The following RNF180 variants were observed in gnomAD, a reference collection of about 807,000 sequenced individuals.
The protein encoded by RNF180 is ring finger protein 180, also known as E3 ubiquitin-protein ligase RNF180.
In RNF180, 38 loss-of-function variants were observed where a neutral mutation model predicts 59.2. The ratio of observed to expected loss-of-function variants is 0.64; its 90% CI spans 0.50 to 0.84. The LOEUF is 0.84. RNF180 is among the 40% of genes least tolerant of loss of function. The probability of loss-of-function intolerance (pLI) is 0.00; values close to 1 mark genes in which losing one functional copy is unlikely to be tolerated. For synonymous variants in RNF180, 262 were observed against 240.3 expected (o/e 1.09, Z -0.84); for missense variants, 705 against 700.9 (o/e 1.01, Z -0.07).
rs1746637527 is a variant in RNF180, at chr5:64,370,877, A to AC, written c.*1063_*1064insC. 6.6e-6 allele frequency: 1 copy of AC among 151,656 alleles called. No homozygotes were observed. Among genetic ancestry groups the AC allele is most frequent in the Non-Finnish European group, 1.5e-5 (1 of 67,732 alleles). 9.4% of individuals were successfully genotyped at this position (151,656 alleles called of 1,614,324 possible). A position where few individuals can be genotyped will look rare whatever the true frequency, so the allele number is the denominator to read the frequency against. The stretch of plus-strand genomic sequence containing the variant: ...TGAAACCTGGGACAAAGTTTTTATT[A>AC]TGAATTACTAATCCAGTATTACTAC... On this transcript the variant is annotated 3_prime_UTR_variant, in exon 8 of 8. Transcript: ENST00000389100.
intron 5 of RNF180, among the ~76,000 whole-genome samples, chr5:64,249,389 G>A (rs1014252899): frequency 6.6e-6 from 1 of 152,174 alleles, no homozygotes; most frequent in Non-Finnish European, 1.5e-5. Flanking sequence ...AACCTTACAG[G>A]CCAGGATAGA....
rs113202870 is a variant in RNF180 at position 64,257,517 on chromosome 5, G to A, written c.1227+40121G>A. Among the ~76,000 whole-genome samples, 773 of 152,200 alleles carry A rather than the reference G, an allele frequency of 5.1e-3. 10 individuals carry two copies. The highest frequency in any genetic ancestry group is 0.017 in the African/African-American group (706 of 41,534). On this transcript the variant is annotated intron_variant, in intron 5 of 7. Coordinates refer to ENST00000389100, the MANE Select transcript of RNF180 (RefSeq NM_001113561.2). ...TGCTGGATTACATTTATTGATTTGC[G>A]TATGTTGAACCAGCCTTGCATCCCA...
chr5:64,365,999 A>AT (rs200608724), intron 7 of RNF180, among the ~76,000 whole-genome samples: 4,050 of 151,296 alleles, frequency 0.027, 161 homozygotes, highest in African/African-American at 0.093. Context: ...ATATATGTGG[A>AT]TTTGATCCTG....
intron 1 of RNF180, among the ~76,000 whole-genome samples, chr5:64,185,165 A>G (rs988894836): frequency 2.6e-5 from 4 of 152,298 alleles, no homozygotes; most frequent in Admixed American, 2.6e-4. Context: ...CTTTCAGCAT[A>G]TATCTAGAAT....
intron 5 of RNF180, among the ~76,000 whole-genome samples, chr5:64,296,644 C>T (rs1455811598): frequency 1.4e-5 from 2 of 145,558 alleles, no homozygotes; most frequent in African/African-American, 2.6e-5. Context: ...GGATTTGCTC[C>T]ATTTCCTAGG....
chr5:64,205,398 G>A (rs938919625), intron 2 of RNF180, among the ~76,000 whole-genome samples: 1 of 152,166 alleles, frequency 6.6e-6, no homozygotes, highest in Non-Finnish European at 1.5e-5. Flanking sequence ...ACCTGAGATA[G>A]ATGAAATGTG....
In RNF180 at chr5:64,327,987, C is replaced by A. The variant is rs983531933; in HGVS notation, c.1454-2294C>A. Among the ~76,000 whole-genome samples, 8 of 152,062 alleles carry A rather than the reference C, an allele frequency of 5.3e-5. No homozygotes were observed. In the South Asian group the frequency reaches 1.2e-3, roughly 24 times the overall value. On this transcript the variant is annotated intron_variant, in intron 6 of 7. Transcript: ENST00000389100. ...TTATAATATTTATAATTATTATATT[C>A]TCTTGCTGAACTGATTCCTTTATTG...
At chr5:64,212,461 A>G (rs1304728038) in intron 3 of RNF180, among the ~76,000 whole-genome samples, 1 of 152,090 alleles carries the variant, frequency 6.6e-6, no homozygotes, top group African/African-American at 2.4e-5. Context: ...CTAAATACAC[A>G]TATAGCTTAT....
intron 5 of RNF180, among the ~76,000 whole-genome samples, chr5:64,298,058 A>C (rs1742976642): frequency 6.6e-6 from 1 of 151,714 alleles, no homozygotes; most frequent in Non-Finnish European, 1.5e-5. Flanking sequence ...CCTCCCACCC[A>C]CCATGTATCC....
Position 64,330,415 on chromosome 5 carries a change from A to G in RNF180, c.1579+9A>G. 1 of 1,528,880 alleles carries G rather than the reference A, an allele frequency of 6.5e-7. No individual in the cohort carries two copies. The highest frequency in any genetic ancestry group is 8.8e-7 in the Non-Finnish European group (1 of 1,141,698). The allele number at this position is 1,528,880 out of a possible 1,614,324, so 94.7% of individuals were successfully genotyped here. A position where few individuals can be genotyped will look rare whatever the true frequency, so the allele number is the denominator to read the frequency against. On this transcript the variant is annotated intron_variant, in intron 7 of 7. Transcript: ENST00000389100. The stretch of plus-strand genomic sequence containing the variant: ...ATTTCATCTTTTTGGAGGTAAGGAA[A>G]TCTAACGCCAAAAAAAAAGTCTGGT...
intron 4 of RNF180, among the ~76,000 whole-genome samples, chr5:64,216,048 A>C (rs1298649452): frequency 2.0e-5 from 3 of 151,932 alleles, no homozygotes; most frequent in African/African-American, 7.3e-5. Context: ...GATATAGCTT[A>C]ATTGATCAGA....
At chr5:64,173,852 AT>A (rs1750081910) in intron 1 of RNF180, among the ~76,000 whole-genome samples, 1 of 151,406 alleles carries the variant, frequency 6.6e-6, no homozygotes, top group South Asian at 2.1e-4. Context: ...AGTAGCTGGG[AT>A]TATAGGCATG....
intron 5 of RNF180, among the ~76,000 whole-genome samples, chr5:64,259,134 C>T (rs1290231401): frequency 6.6e-6 from 1 of 152,064 alleles, no homozygotes; most frequent in African/African-American, 2.4e-5. Flanking sequence ...CTAACCACCT[C>T]CTTTCTCTTG....
At position 64,370,667 on chromosome 5, in the gene RNF180, C is replaced by T. The variant is rs995021789; in HGVS notation, c.*853C>T. ...AAAGTATTGTTATAAATAGGCTTATCGATTTTAGAAAGAAAACCTGACATT... is the reference window on the plus strand; with the variant it reads ...AAAGTATTGTTATAAATAGGCTTATTGATTTTAGAAAGAAAACCTGACATT... On this transcript the variant is annotated 3_prime_UTR_variant, in exon 8 of 8. Coordinates refer to ENST00000389100, the MANE Select transcript of RNF180 (RefSeq NM_001113561.2). The T allele has an allele frequency of 6.6e-6, 1 of 150,822 alleles. No homozygotes were observed. Among genetic ancestry groups the T allele is most frequent in the Non-Finnish European group, 1.5e-5 (1 of 67,578 alleles). The allele number at this position is 150,822 out of a possible 1,614,324, so 9.3% of individuals were successfully genotyped here.
At chr5:64,182,101 C>T (rs945209061) in intron 1 of RNF180, among the ~76,000 whole-genome samples, 5 of 150,732 alleles carry the variant, frequency 3.3e-5, no homozygotes, top group African/African-American at 1.2e-4. Context: ...CACCATTCTC[C>T]TGCCTCAGCC....
intron 4 of RNF180, among the ~76,000 whole-genome samples, chr5:64,216,896 C>G (rs911162254): frequency 2.6e-5 from 4 of 152,060 alleles, no homozygotes; most frequent in African/African-American, 7.2e-5. Context: ...TTATGACTTA[C>G]ACACATGTAA....
In RNF180 at chr5:64,370,005, C is replaced by G. The variant is rs1055036595; in HGVS notation, c.*191C>G. 5 of 429,498 alleles carry G rather than the reference C, an allele frequency of 1.2e-5. No homozygotes were observed. The highest frequency in any genetic ancestry group is 2.0e-5 in the Non-Finnish European group (5 of 244,002). 26.6% of individuals were successfully genotyped at this position (429,498 alleles called of 1,614,324 possible). On this transcript the variant is annotated 3_prime_UTR_variant, in exon 8 of 8. Coordinates refer to ENST00000389100, the MANE Select transcript of RNF180 (RefSeq NM_001113561.2). ...TAACAAACTAAACTTTATTCAAGAG[C>G]TAACCTACCCAGCACTTAGCAACAA...
chr5:64,257,079 T>C (rs987147941), intron 5 of RNF180, among the ~76,000 whole-genome samples: 1 of 152,210 alleles, frequency 6.6e-6, no homozygotes, highest in Non-Finnish European at 1.5e-5. Flanking sequence ...CTGAAGTTGC[T>C]TATCAGCTTA....
At chr5:64,284,662 G>T (rs901463711) in intron 5 of RNF180, among the ~76,000 whole-genome samples, 1 of 152,166 alleles carries the variant, frequency 6.6e-6, no homozygotes, top group African/African-American at 2.4e-5. Context: ...CTTGTAGTGA[G>T]TTTTTAATCC....
Sources: allele counts gnomAD v4.1 joint callset (sites outside exome capture counted in the v4.1 genomes callset), GRCh38; gene constraint gnomAD v4.1.1; transcripts MANE v1.5; gene names NCBI Gene and HGNC (gene_info 2026-07-23, HGNC 2026-07-21).